The following ZNF787 variants were observed in gnomAD, a reference collection of about 807,000 sequenced individuals.
ZNF787 encodes zinc finger protein 787.
ZNF787 carries 7 observed loss-of-function variants against 16.9 expected under a neutral mutation model. The observed-to-expected ratio is 0.42, with a 90% CI of 0.24 to 0.78. The LOEUF is 0.78. Among genes scored for constraint, ZNF787 ranks in the 30% least tolerant of loss-of-function variants. The pLI is 0.30. For synonymous variants in ZNF787, 345 were observed against 270.9 expected, an observed-to-expected ratio of 1.27 and a Z score of -2.69; for missense variants, 551 against 589.3, an observed-to-expected ratio of 0.94 and a Z score of 0.67.
At chr19:56,118,512 C>T (rs914899814) in intron 1 of ZNF787, among the ~76,000 whole-genome samples, 1 of 152,190 alleles carries the variant, frequency 6.6e-6, no homozygotes, top group Admixed American at 6.5e-5. Context: ...GGTTCTGAAG[C>T]TGCTGGGGGC....
At chr19:56,121,125 C>G (rs1326612167) in intron 1 of ZNF787, 47 bp downstream of exon 1, 1 of 131,062 alleles carries the variant, frequency 7.6e-6, no homozygotes, top group Non-Finnish European at 1.6e-5. Flanking sequence ...TCCCGAAGCG[C>G]GCGCCCACCT....
At position 56,088,329 on chromosome 19, in the gene ZNF787, CA is replaced by C; in HGVS notation, c.842del (p.Val281GlyfsTer233). 1 of 1,247,068 alleles carries C rather than the reference CA, an allele frequency of 8.0e-7. No individual in the cohort carries two copies. Among genetic ancestry groups the C allele is most frequent in the Non-Finnish European group, 1.0e-6 (1 of 991,552 alleles). 77.3% of individuals were successfully genotyped at this position (1,247,068 alleles called of 1,614,324 possible). A position where few individuals can be genotyped will look rare whatever the true frequency, so the allele number is the denominator to read the frequency against. ...SRRAPAPKPY[V>X]CLECGKGFGH... is the part of the protein sequence containing the mutation. ...CGAAGCCCTTCCCGCACTCCAGACA[CA>C]CGTACGGCTTGGGGGCCGGGGCGCG... is the stretch of plus-strand genomic sequence containing the variant. On this transcript the variant is annotated frameshift_variant, in exon 3 of 3. Transcript: ENST00000610935. LOFTEE classifies it high-confidence loss of function. The surrounding 1 kb of genome is among the most constrained non-coding windows in gnomAD (Gnocchi z 8.6).
At chr19:56,090,641 G>T (rs979702861) in intron 2 of ZNF787, among the ~76,000 whole-genome samples, 2 of 152,184 alleles carry the variant, frequency 1.3e-5, no homozygotes, top group Non-Finnish European at 2.9e-5. Flanking sequence ...GGCCAACATG[G>T]CAAAACCCCA....
chr19:56,111,918 G>T (rs1367402042), intron 1 of ZNF787, among the ~76,000 whole-genome samples: 1 of 152,192 alleles, frequency 6.6e-6, no homozygotes, highest in African/African-American at 2.4e-5. Context: ...TTGCTGAGCT[G>T]TGTGGGGACT....
chr19:56,091,897 G>T (rs1239207040), intron 2 of ZNF787, among the ~76,000 whole-genome samples: 1 of 34,948 alleles, frequency 2.9e-5, no homozygotes, highest in Admixed American at 1.5e-4. Context: ...CGCTCCACTT[G>T]CCGCAGCCGC....
At position 56,087,955 on chromosome 19, in the gene ZNF787, G is replaced by A. The variant is rs1055832764; in HGVS notation, c.*68C>T. 20 of 1,294,442 alleles carry A rather than the reference G, an allele frequency of 1.5e-5. No individual in the cohort carries two copies. The highest frequency in any genetic ancestry group is 2.1e-5 in the South Asian group (1 of 48,642). The allele number at this position is 1,294,442 out of a possible 1,614,324, so 80.2% of individuals were successfully genotyped here. On this transcript the variant is annotated 3_prime_UTR_variant, in exon 3 of 3. Coordinates refer to ENST00000610935, the MANE Select transcript of ZNF787 (RefSeq NM_001002836.4). Reference sequence around the variant, plus strand: ...CCGTCCGCTTCTCCCTGGGTCTCTTGGTCTTGCACGTCGTCGCTCCCGCCA... The same window carrying A: ...CCGTCCGCTTCTCCCTGGGTCTCTTAGTCTTGCACGTCGTCGCTCCCGCCA...
intron 1 of ZNF787, among the ~76,000 whole-genome samples, chr19:56,104,716 G>A (rs1986235747): frequency 6.6e-6 from 1 of 152,204 alleles, no homozygotes; most frequent in Non-Finnish European, 1.5e-5. Flanking sequence ...CATGCACTGT[G>A]AGGGTTCTCT....
chr19:56,118,288 A>G (rs920983416), intron 1 of ZNF787, among the ~76,000 whole-genome samples: 4 of 152,116 alleles, frequency 2.6e-5, no homozygotes. Context: ...TTCTCCCACT[A>G]TGCTGGGGTT....
At chr19:56,096,963 C>T (rs887198988) in intron 2 of ZNF787, among the ~76,000 whole-genome samples, 4 of 152,124 alleles carry the variant, frequency 2.6e-5, no homozygotes, top group African/African-American at 4.8e-5. Flanking sequence ...ACATCGGGAA[C>T]TCCATCTGGG....
At chr19:56,099,141 G>C (rs1985994240) in intron 2 of ZNF787, among the ~76,000 whole-genome samples, 1 of 152,168 alleles carries the variant, frequency 6.6e-6, no homozygotes, top group African/African-American at 2.4e-5. Flanking sequence ...GTAATCAGCA[G>C]CTGAGAGCGT....
chr19:56,088,099 C>A lies in ZNF787; in HGVS notation c.1073G>T (p.Gly358Val), dbSNP rs1985396940. ...SSCGQSYYRA[G>V]GEEEDDDDEA... ...GTCGTCGTCGTCCTCCTCCTCCCCG[C>A]CCGCGCGGTAGTAGCTCTGTCCGCA... Residue 358 changes from glycine (G) to valine (V), a missense_variant, in exon 3 of 3, where the codon GGC becomes GTC. Coordinates refer to ENST00000610935, the MANE Select transcript of ZNF787 (RefSeq NM_001002836.4). The surrounding 1 kb of genome is among the most constrained non-coding windows in gnomAD (Gnocchi z 8.6). The A allele has an allele frequency of 2.0e-6, 3 of 1,523,664 alleles. No individual in the cohort carries two copies. Among genetic ancestry groups the A allele is most frequent in the African/African-American group, 2.9e-5 (2 of 69,456 alleles). The allele number at this position is 1,523,664 out of a possible 1,614,324, so 94.4% of individuals were successfully genotyped here. A position where few individuals can be genotyped will look rare whatever the true frequency, so the allele number is the denominator to read the frequency against.
chr19:56,099,723 A>AAAG (rs976119948), intron 2 of ZNF787, among the ~76,000 whole-genome samples: 1 of 150,990 alleles, frequency 6.6e-6, no homozygotes, highest in Non-Finnish European at 1.5e-5. Context: ...AAAAAAAAAA[A>AAAG]AAGAAAAGAG....
intron 1 of ZNF787, among the ~76,000 whole-genome samples, chr19:56,111,780 C>A (rs1380737913): frequency 6.6e-6 from 1 of 152,146 alleles, no homozygotes; most frequent in East Asian, 1.9e-4. Context: ...GGTGACAGCA[C>A]TGTGCCCCTG....
At position 56,113,451 on chromosome 19, in the gene ZNF787, G is replaced by A. The variant is rs147248905; in HGVS notation, c.-11+7721C>T. ...CACAGAAGCATCAGGCATAACAGCC[G>A]AAATGTAGAGACAACCCAAATGTCC... is the stretch of plus-strand genomic sequence containing the variant. On this transcript the variant is annotated intron_variant, in intron 1 of 2. Coordinates refer to ENST00000610935, the MANE Select transcript of ZNF787 (RefSeq NM_001002836.4). 7.6e-3 allele frequency among the ~76,000 whole-genome samples: 1,164 copies of A among 152,288 alleles called. 14 individuals carry two copies. The highest frequency in any genetic ancestry group is 0.026 in the African/African-American group (1,081 of 41,550).
chr19:56,118,446 G>A (rs965936309), intron 1 of ZNF787, among the ~76,000 whole-genome samples: 4 of 152,206 alleles, frequency 2.6e-5, no homozygotes, highest in Non-Finnish European at 4.4e-5. Flanking sequence ...ACCTGGGGGC[G>A]GAAGGGGGCG....
Position 56,107,497 on chromosome 19 carries a change from C to T in ZNF787, c.-10-4270G>A, listed in dbSNP as rs559779029. The stretch of plus-strand genomic sequence containing the variant: ...GGAGACACGGGGTCACCGGGAGACA[C>T]GGGGTCACTGTGAGACAATGGGGTC... On this transcript the variant is annotated intron_variant, in intron 1 of 2. Transcript: ENST00000610935. 4.5e-5 allele frequency among the ~76,000 whole-genome samples: 6 copies of T among 133,948 alleles called. 1 individual carries two copies. The highest frequency in any genetic ancestry group is 1.5e-5 in the Non-Finnish European group (1 of 64,910). 87.9% of individuals were successfully genotyped at this position (133,948 alleles called of 152,430 possible).
rs113455430 is a variant in ZNF787 at position 56,112,284 on chromosome 19, C to T, written c.-11+8888G>A. Among the ~76,000 whole-genome samples the T allele has an allele frequency of 2.3e-3, 352 of 152,254 alleles. 1 individual carries two copies. Among genetic ancestry groups the T allele is most frequent in the African/African-American group, 7.1e-3 (294 of 41,526 alleles). On this transcript the variant is annotated intron_variant, in intron 1 of 2. Coordinates refer to ENST00000610935, the MANE Select transcript of ZNF787 (RefSeq NM_001002836.4). Reference sequence around the variant, plus strand: ...GCTGGGAATTGCACATCTTCTGAAACGAGGGTCCCGGCCTCCCTTACCAGC... The same window carrying T: ...GCTGGGAATTGCACATCTTCTGAAATGAGGGTCCCGGCCTCCCTTACCAGC...
At chr19:56,108,049 C>A (rs2029881775) in intron 1 of ZNF787, among the ~76,000 whole-genome samples, 1 of 152,080 alleles carries the variant, frequency 6.6e-6, no homozygotes, top group Admixed American at 6.5e-5. Flanking sequence ...CAGGGCGAGA[C>A]CCTCGGGTCC....
At chr19:56,111,037 T>G (rs1248928650) in intron 1 of ZNF787, among the ~76,000 whole-genome samples, 1 of 152,256 alleles carries the variant, frequency 6.6e-6, no homozygotes, top group Non-Finnish European at 1.5e-5. Context: ...ACCTTTTACA[T>G]GTTTTCAATA....
Sources: gnomAD v4.1 joint callset for allele counts (sites outside exome capture counted in the v4.1 genomes callset) on GRCh38, gnomAD v4.1.1 for gene constraint, Gnocchi (gnomAD v3.1) non-coding constraint, MANE v1.5 for transcripts, NCBI Gene and HGNC (gene_info 2026-07-23, HGNC 2026-07-21) for gene names.